TMPRSS13: variants seen among roughly 807,000 people sequenced by gnomAD.
TMPRSS13 encodes transmembrane protease serine 13.
In TMPRSS13, 50 loss-of-function variants were observed where a neutral mutation model predicts 68.4. The observed-to-expected ratio is 0.73, with a 90% CI of 0.58 to 0.93. The LOEUF (loss-of-function observed/expected upper bound fraction) is 0.93, where lower values mean the gene tolerates loss of function less well. Ranked by LOEUF, TMPRSS13 falls within the 40% of genes least tolerant of loss-of-function variation. The pLI, the probability that TMPRSS13 is intolerant of heterozygous loss-of-function variation, is 0.00. For missense variants in TMPRSS13, 615 were observed against 729.2 expected (o/e 0.84, Z 1.80); for synonymous variants, 267 against 285.8 (o/e 0.93, Z 0.66).
At position 117,914,385 on chromosome 11, in the gene TMPRSS13, T is replaced by G. The variant is rs773088570; in HGVS notation, c.679+7A>C. ...CGCACGCGCTCCCCCGCACCCAGCC[T>G]CCTTACCGCAGCCCAGCTCGTCACT... On this transcript the variant is annotated splice_region_variant and intron_variant, in intron 4 of 12. Coordinates refer to ENST00000524993, the MANE Select transcript of TMPRSS13 (RefSeq NM_001077263.3). The surrounding 1 kb of genome is among the most constrained non-coding windows in gnomAD (Gnocchi z 4.2). 6 of 1,612,886 alleles carry G rather than the reference T, an allele frequency of 3.7e-6. No homozygotes were observed. The African/African-American group carries it at 8.0e-5, about 22-fold the overall frequency.
intron 9 of TMPRSS13, among the ~76,000 whole-genome samples, chr11:117,906,771 ACT>A (rs1447052822): frequency 1.3e-5 from 2 of 152,132 alleles, no homozygotes; most frequent in Non-Finnish European, 2.9e-5. Context: ...AACATGTAAC[ACT>A]GTTACATGAT....
intron 1 of TMPRSS13, among the ~76,000 whole-genome samples, chr11:117,921,000 G>A (rs1003318777): frequency 1.3e-5 from 2 of 152,224 alleles, no homozygotes; most frequent in Non-Finnish European, 2.9e-5. Context: ...GTCTATAAAT[G>A]TGTGTCAAAC....
At chr11:117,925,332 C>A (rs1338472392) in intron 1 of TMPRSS13, among the ~76,000 whole-genome samples, 3 of 152,248 alleles carry the variant, frequency 2.0e-5, no homozygotes, top group Non-Finnish European at 4.4e-5. Flanking sequence ...GCCTCCTGTG[C>A]ACATGAAAAA....
chr11:117,907,701 G>T (rs2134881802), intron 9 of TMPRSS13: 1 of 694,098 alleles, frequency 1.4e-6, no homozygotes, highest in Non-Finnish European at 1.8e-6. Flanking sequence ...TCCTTCCTCT[G>T]CTGAGCTTCC....
At chr11:117,913,635 C>T (rs1173208113) in intron 5 of TMPRSS13, 142 bp downstream of exon 5, 5 of 1,029,398 alleles carry the variant, frequency 4.9e-6, no homozygotes, top group African/African-American at 3.2e-5. Flanking sequence ...CTGAACACCT[C>T]GAGGGTGTCC....
chr11:117,905,523 C>G, intron 10 of TMPRSS13, 115 bp downstream of exon 10: 1 of 818,678 alleles, frequency 1.2e-6, no homozygotes, highest in Non-Finnish European at 1.9e-6. Flanking sequence ...TATACCCAAA[C>G]GCTCATCGAC....
chr11:117,920,993 T>C (rs1200885862), intron 1 of TMPRSS13, among the ~76,000 whole-genome samples: 1 of 152,226 alleles, frequency 6.6e-6, no homozygotes, highest in Non-Finnish European at 1.5e-5. Context: ...GAGCCTGGTC[T>C]ATAAATGTGT....
Position 117,929,299 on chromosome 11 carries a change from C to T in TMPRSS13, c.9G>A (p.Arg3=). ME[R]DSHGNASPAR... ...AGGTCACACTCACCCCGTGGCTGTC[C>T]CTCTCCATGGTCTCTGAGGGGAAGA... Residue 3 remains arginine (R), a synonymous_variant, in exon 1 of 13, where the codon AGG becomes AGA. Coordinates refer to ENST00000524993, the MANE Select transcript of TMPRSS13 (RefSeq NM_001077263.3). The T allele has an allele frequency of 1.2e-6, 2 of 1,605,934 alleles. No individual in the cohort carries two copies. Among genetic ancestry groups the T allele is most frequent in the Non-Finnish European group, 1.7e-6 (2 of 1,176,642 alleles).
At chr11:117,918,926 T>C in intron 1 of TMPRSS13, 88 bp from the exon 2 acceptor site, 1 of 1,554,728 alleles carries the variant, frequency 6.4e-7, no homozygotes, top group African/African-American at 1.3e-5. Context: ...AGATGAATGC[T>C]CTGGGGCAGC....
At chr11:117,921,721 TCTGGGTAG>T (rs2057650785) in intron 1 of TMPRSS13, among the ~76,000 whole-genome samples, 2 of 152,076 alleles carry the variant, frequency 1.3e-5, no homozygotes, top group Admixed American at 1.3e-4. Flanking sequence ...CTAGCTCTGG[TCTGGGTAG>T]AGCAAGTGCT....
chr11:117,920,297 G>T (rs913595709), intron 1 of TMPRSS13, among the ~76,000 whole-genome samples: 7 of 152,042 alleles, frequency 4.6e-5, no homozygotes, highest in African/African-American at 1.7e-4. Context: ...CACAGTGAGG[G>T]TGTGGTGAGC....
Position 117,929,348 on chromosome 11 carries a change from G to A in TMPRSS13, c.-41C>T, listed in dbSNP as rs771883861. On this transcript the variant is annotated 5_prime_UTR_variant, in exon 1 of 13. Transcript: ENST00000524993. The stretch of plus-strand genomic sequence containing the variant: ...GAGTCCTCCAGGCTTAGCTGATGTC[G>A]AGGAGAAGATCCATCTTGGTCCCTG... The A allele has an allele frequency of 1.4e-5, 23 of 1,595,716 alleles. No individual in the cohort carries two copies. Among genetic ancestry groups the A allele is most frequent in the South Asian group, 3.4e-5 (3 of 88,124 alleles).
At position 117,900,955 on chromosome 11, in the gene TMPRSS13, T is replaced by G. The variant is rs1360882925; in HGVS notation, c.*1284A>C. The G allele has an allele frequency of 6.6e-6, 1 of 152,294 alleles. No homozygotes were observed. The highest frequency in any genetic ancestry group is 2.4e-5 in the African/African-American group (1 of 41,458). 9.4% of individuals were successfully genotyped at this position (152,294 alleles called of 1,614,324 possible). On this transcript the variant is annotated 3_prime_UTR_variant, in exon 13 of 13. Coordinates refer to ENST00000524993, the MANE Select transcript of TMPRSS13 (RefSeq NM_001077263.3). ...GGAATAGGTGCCCCAGAAAAAAGGC[T>G]GGGGAAGGCCCAGGCTTTTAGCTGG...
intron 1 of TMPRSS13, among the ~76,000 whole-genome samples, chr11:117,921,546 G>T (rs939206716): frequency 1.1e-4 from 16 of 152,208 alleles, no homozygotes; most frequent in Non-Finnish European, 1.5e-4. Flanking sequence ...TGGGCAGGTG[G>T]GGGGAGGGAG....
At chr11:117,903,504 C>T in intron 12 of TMPRSS13, 151 bp downstream of exon 12, 3 of 1,546,398 alleles carry the variant, frequency 1.9e-6, no homozygotes, top group Non-Finnish European at 2.6e-6. Flanking sequence ...TGGGATTGAC[C>T]CCAGGCATCA....
rs574156651 is a variant in TMPRSS13, at chr11:117,915,370, G to A, written c.557-856C>T. Among the ~76,000 whole-genome samples, 74 of 152,154 alleles carry A rather than the reference G, an allele frequency of 4.9e-4. 1 individual carries two copies. Among genetic ancestry groups the A allele is most frequent in the African/African-American group, 1.6e-3 (65 of 41,524 alleles). On this transcript the variant is annotated intron_variant, in intron 3 of 12. Coordinates refer to ENST00000524993, the MANE Select transcript of TMPRSS13 (RefSeq NM_001077263.3). This position sits in a 1 kb window ranked among gnomAD's most constrained non-coding sequence, Gnocchi z 4.9. ...CAGCCCCACCCCTTGCTTCTCCTCC[G>A]GGGCCCACTGTGCTCTCCATCACCC...
intron 2 of TMPRSS13, 151 bp from the exon 3 acceptor site, chr11:117,917,425 C>T: frequency 1.6e-6 from 1 of 615,290 alleles, no homozygotes. Flanking sequence ...GGCTCAAAGT[C>T]AATTGAATGA....
intron 1 of TMPRSS13, among the ~76,000 whole-genome samples, chr11:117,926,019 C>G (rs73022496): frequency 6.6e-6 from 1 of 151,868 alleles, no homozygotes; most frequent in Non-Finnish European, 1.5e-5. Context: ...GGGCAGGTAC[C>G]AGGGTCCTTG....
intron 5 of TMPRSS13, 135 bp downstream of exon 5, chr11:117,913,642 G>A (rs771604274): frequency 4.9e-4 from 556 of 1,126,092 alleles, no homozygotes; most frequent in Admixed American, 7.5e-4. Context: ...CCTCGAGGGT[G>A]TCCAGAGCTA....
Sources: allele counts gnomAD v4.1 joint callset (sites outside exome capture counted in the v4.1 genomes callset), GRCh38; gene constraint gnomAD v4.1.1; non-coding constraint Gnocchi (gnomAD v3.1); transcripts MANE v1.5; gene names NCBI Gene and HGNC (gene_info 2026-07-23, HGNC 2026-07-21).